The following TTC38 variants were observed in gnomAD, a reference collection of about 807,000 sequenced individuals.
TTC38 encodes the protein tetratricopeptide repeat domain 38, also known as tetratricopeptide repeat protein 38.
In TTC38, 64 loss-of-function variants were observed where a neutral mutation model predicts 64.2. The observed-to-expected ratio is 1.00, with a 90% confidence interval of 0.81 to 1.23. The LOEUF is 1.23. Among genes scored for constraint, TTC38 ranks in the 50% most tolerant of loss-of-function variants. TTC38 has a pLI of 0.00. For missense variants in TTC38, 573 were observed against 615.5 expected (o/e 0.93, Z 0.73); for synonymous variants, 254 against 249.3 (o/e 1.02, Z -0.18).
At chr22:46,279,691 G>T (rs1353196013) in intron 6 of TTC38, among the ~76,000 whole-genome samples, 3 of 152,224 alleles carry the variant, frequency 2.0e-5, no homozygotes, top group Non-Finnish European at 4.4e-5. Flanking sequence ...GAGACTTGAG[G>T]CTTGAGTGAT....
intron 9 of TTC38, 68 bp from the exon 10 acceptor site, chr22:46,287,005 C>G: frequency 2.3e-6 from 3 of 1,322,004 alleles, no homozygotes; most frequent in Non-Finnish European, 3.1e-6. Flanking sequence ...CAGGCTGACC[C>G]TGGCTGTGCC....
intron 9 of TTC38, among the ~76,000 whole-genome samples, chr22:46,286,065 T>G (rs930993401): frequency 1.0e-4 from 15 of 149,666 alleles, no homozygotes; most frequent in African/African-American, 3.5e-4. Context: ...TGCATTCACA[T>G]TTTGCAACCA....
chr22:46,275,488 G>A lies in TTC38; in HGVS notation c.539+67G>A. The A allele has an allele frequency of 1.3e-6, 2 of 1,498,816 alleles. No homozygotes were observed. The highest frequency in any genetic ancestry group is 1.2e-5 in the South Asian group (1 of 80,266). 92.8% of individuals were successfully genotyped at this position (1,498,816 alleles called of 1,614,324 possible). ...CTCTCTTTTCTGCCCTAAAAATATGGTGACTCTCTTGGCCCTGTCCTAAAA... is the reference window on the plus strand; with the variant it reads ...CTCTCTTTTCTGCCCTAAAAATATGATGACTCTCTTGGCCCTGTCCTAAAA... On this transcript the variant is annotated intron_variant, in intron 5 of 13. Transcript: ENST00000381031. The surrounding 1 kb of genome is among the most constrained non-coding windows in gnomAD (Gnocchi z 4.5).
rs891809516 is a variant in TTC38 at position 46,271,667 on chromosome 22, C to T, written c.112-668C>T. Among the ~76,000 whole-genome samples, 3 of 149,762 alleles carry T rather than the reference C, an allele frequency of 2.0e-5. No individual in the cohort carries two copies. Among genetic ancestry groups the T allele is most frequent in the South Asian group, 2.1e-4 (1 of 4,828 alleles). Reference sequence around the variant, plus strand: ...CTAGGACTACAGACATGTGCCACCACGCCTGACTAATTTTTGTATTATTTG... The same window carrying T: ...CTAGGACTACAGACATGTGCCACCATGCCTGACTAATTTTTGTATTATTTG... On this transcript the variant is annotated intron_variant, in intron 2 of 13. Transcript: ENST00000381031. This position sits in a 1 kb window ranked among gnomAD's most constrained non-coding sequence, Gnocchi z 5.5.
At chr22:46,287,208 G>T in intron 10 of TTC38, 54 bp downstream of exon 10, 1 of 1,494,052 alleles carries the variant, frequency 6.7e-7, no homozygotes, top group East Asian at 2.4e-5. Flanking sequence ...ACATCATGAG[G>T]AGAGGGTGCT....
chr22:46,269,257 T>G, intron 2 of TTC38: 1 of 305,046 alleles, frequency 3.3e-6, no homozygotes, highest in South Asian at 2.5e-5. Flanking sequence ...GCTCGGCTGC[T>G]TAGGACGTGG....
chr22:46,277,628 A>AG (rs1429849143), intron 5 of TTC38, among the ~76,000 whole-genome samples: 18 of 142,386 alleles, frequency 1.3e-4, no homozygotes, highest in African/African-American at 2.4e-4. Flanking sequence ...AAAAAAAAAA[A>AG]AGAGAGAGAT....
At position 46,292,845 on chromosome 22, in the gene TTC38, G is replaced by T. The variant is rs201854512; in HGVS notation, c.1371G>T (p.Arg457=). The part of the protein sequence containing the change: ...ALKPNSPLTE[R]LIRKAATVHL... ...AGCCCAACTCGCCCCTGACCGAGCG[G>T]CTCATCCGCAAGGCAGCTACCGTCC... The change falls in exon 14 of 14, where the codon CGG becomes CGT. Residue 457 remains arginine, a synonymous_variant. Transcript: ENST00000381031. The surrounding 1 kb of genome is among the most constrained non-coding windows in gnomAD (Gnocchi z 6.5). 9 of 1,613,854 alleles carry T rather than the reference G, an allele frequency of 5.6e-6. No individual in the cohort carries two copies. Among genetic ancestry groups the T allele is most frequent in the African/African-American group, 1.3e-5 (1 of 74,938 alleles).
chr22:46,289,637 C>G, intron 12 of TTC38, 76 bp downstream of exon 12: 1 of 1,525,722 alleles, frequency 6.6e-7, no homozygotes, highest in Non-Finnish European at 8.8e-7. Flanking sequence ...CCCCAAGTTT[C>G]TCCCATGGTG....
intron 2 of TTC38, among the ~76,000 whole-genome samples, chr22:46,269,493 A>C (rs1401275808): frequency 3.3e-5 from 5 of 152,226 alleles, no homozygotes; most frequent in Admixed American, 3.3e-4. Context: ...TACAGGCAGA[A>C]CCAGGATGAA....
chr22:46,268,107 G>T, intron 1 of TTC38, 35 bp downstream of exon 1: 2 of 1,529,646 alleles, frequency 1.3e-6, no homozygotes, highest in Non-Finnish European at 1.7e-6. Context: ...GGTCCCCCTC[G>T]GGCCCCGGGT....
chr22:46,273,809 T>G lies in TTC38; in HGVS notation c.194-89T>G. On this transcript the variant is annotated intron_variant, in intron 3 of 13. Transcript: ENST00000381031. The surrounding 1 kb of genome is among the most constrained non-coding windows in gnomAD (Gnocchi z 5.1). ...TGCCTGGCTGGCCCCTCCTGGGACG[T>G]GGGGTGTCTCTGTGACATGTGGAGT... 3.7e-6 allele frequency: 5 copies of G among 1,360,416 alleles called. No homozygotes were observed. Among genetic ancestry groups the G allele is most frequent in the African/African-American group, 2.9e-5 (2 of 69,758 alleles). The allele number at this position is 1,360,416 out of a possible 1,614,324, so 84.3% of individuals were successfully genotyped here.
At chr22:46,287,478 A>G (rs1306945341) in intron 10 of TTC38, among the ~76,000 whole-genome samples, 2 of 152,240 alleles carry the variant, frequency 1.3e-5, no homozygotes, top group Non-Finnish European at 1.5e-5. Context: ...GGGCACTGGT[A>G]GCACCTGGCC....
intron 7 of TTC38, among the ~76,000 whole-genome samples, chr22:46,283,261 T>C (rs1256972082): frequency 6.6e-6 from 1 of 152,188 alleles, no homozygotes; most frequent in Non-Finnish European, 1.5e-5. Flanking sequence ...TTTATCCAAG[T>C]GCCCTGAGCT....
In TTC38 at chr22:46,274,063, C is replaced by T. The variant is rs766182705; in HGVS notation, c.359C>T (p.Ala120Val). 2 of 1,612,008 alleles carry T rather than the reference C, an allele frequency of 1.2e-6. No individual in the cohort carries two copies. Among genetic ancestry groups the T allele is most frequent in the South Asian group, 2.2e-5 (2 of 91,058 alleles). The change falls in exon 4 of 14, where the codon GCC (alanine) becomes GTC (valine). Residue 120 changes from alanine to valine, a missense_variant. Physicochemically the swap from Ala to Val is moderately conservative, Grantham distance 64 (BLOSUM62 0). Around this residue, in one of 3 missense-constraint regions of TTC38, gnomAD observed 68 missense variants for 107.3 expected, o/e 0.63. Coordinates refer to ENST00000381031, the MANE Select transcript of TTC38 (RefSeq NM_017931.4). The surrounding 1 kb of genome is among the most constrained non-coding windows in gnomAD (Gnocchi z 4.8). ...CACGTGTCTGCAGTAGAGACATTTG[C>T]CAATGGGTGAGGGGCCTCCCTGGGC... Reference protein sequence around the residue: ...QLHVSAVETFANGNFPKACEL... With the variant: ...QLHVSAVETFVNGNFPKACEL...
At position 46,293,116 on chromosome 22, in the gene TTC38, G is replaced by C; in HGVS notation, c.*232G>C. The C allele has an allele frequency of 1.9e-6, 1 of 518,462 alleles. No homozygotes were observed. The highest frequency in any genetic ancestry group is 2.4e-5 in the South Asian group (1 of 41,018). The allele number at this position is 518,462 out of a possible 1,614,324, so 32.1% of individuals were successfully genotyped here. The stretch of plus-strand genomic sequence containing the variant: ...GAGCATTTTTCAGCAGTCACAGCCA[G>C]TGTGAGTGCTGCTCTTTCCACCTGC... On this transcript the variant is annotated 3_prime_UTR_variant, in exon 14 of 14. Transcript: ENST00000381031. This position sits in a 1 kb window ranked among gnomAD's most constrained non-coding sequence, Gnocchi z 6.6.
chr22:46,285,366 T>G (rs1162519076), intron 9 of TTC38, 87 bp downstream of exon 9: 1 of 1,292,128 alleles, frequency 7.7e-7, no homozygotes, highest in African/African-American at 1.5e-5. Flanking sequence ...TCATCAGGAT[T>G]GTCCCAGCCA....
chr22:46,281,814 T>C lies in TTC38; in HGVS notation c.735+96T>C. The C allele has an allele frequency of 6.5e-7, 1 of 1,540,568 alleles. No individual in the cohort carries two copies. The highest frequency in any genetic ancestry group is 8.9e-7 in the Non-Finnish European group (1 of 1,123,362). On this transcript the variant is annotated intron_variant, in intron 7 of 13. Coordinates refer to ENST00000381031, the MANE Select transcript of TTC38 (RefSeq NM_017931.4). The surrounding 1 kb of genome is among the most constrained non-coding windows in gnomAD (Gnocchi z 5.2). ...ATGGACAAGAGTTACAGGGCATGGC[T>C]TAATTCTCGGGGTTCCCTCTCCTCC...
At chr22:46,287,597 G>A (rs2077581145) in intron 10 of TTC38, among the ~76,000 whole-genome samples, 1 of 152,234 alleles carries the variant, frequency 6.6e-6, no homozygotes, top group African/African-American at 2.4e-5. Flanking sequence ...AGCCTGGAGG[G>A]ACCAACCACA....
Sources: gnomAD v4.1 joint callset for allele counts (sites outside exome capture counted in the v4.1 genomes callset) on GRCh38, gnomAD v4.1.1 for gene constraint, gnomAD v4.1.1 regional missense constraint, Gnocchi (gnomAD v3.1) non-coding constraint, MANE v1.5 for transcripts, NCBI Gene and HGNC (gene_info 2026-07-23, HGNC 2026-07-21) for gene names.